Variants in LDB2 observed in about 807,000 individuals in gnomAD.
The protein encoded by LDB2 is LIM domain binding 2.
Under a neutral mutation model 44.3 loss-of-function variants are expected in LDB2, and 12 were observed. That is an observed-to-expected ratio of 0.27 (90% CI 0.17 to 0.44). LDB2 has a LOEUF of 0.44. LDB2 is among the 20% of genes least tolerant of loss of function. LDB2 has a pLI of 1.00. For synonymous variants in LDB2, 164 were observed against 174.8 expected (o/e 0.94, Z 0.49); for missense variants, 344 against 473.5 (o/e 0.73, Z 2.54).
chr4:16,791,322 C>A lies in LDB2; in HGVS notation c.133-32062G>T, dbSNP rs182259572. Among the ~76,000 whole-genome samples the A allele has an allele frequency of 3.3e-5, 5 of 152,030 alleles. No homozygotes were observed. The East Asian group carries it at 9.7e-4, about 29-fold the overall frequency. On this transcript the variant is annotated intron_variant, in intron 1 of 7. Coordinates refer to ENST00000304523, the MANE Select transcript of LDB2 (RefSeq NM_001290.5). ...CTGTAATCCCAGCACTTTGAGAGGC[C>A]AAGGTGGGTGGATCATGAGGTCAGG...
At chr4:16,612,499 A>G (rs1161283688) in intron 2 of LDB2, among the ~76,000 whole-genome samples, 1 of 152,208 alleles carries the variant, frequency 6.6e-6, no homozygotes, top group Non-Finnish European at 1.5e-5. Flanking sequence ...AAAAGAATCA[A>G]ATAGACACGG....
chr4:16,531,520 T>C (rs1406399307), intron 5 of LDB2, among the ~76,000 whole-genome samples: 1 of 152,192 alleles, frequency 6.6e-6, no homozygotes, highest in Non-Finnish European at 1.5e-5. Flanking sequence ...CCATTCACTT[T>C]CTCTATTTGT....
At chr4:16,675,252 A>C (rs1268793466) in intron 2 of LDB2, among the ~76,000 whole-genome samples, 2 of 152,182 alleles carry the variant, frequency 1.3e-5, no homozygotes, top group African/African-American at 4.8e-5. Context: ...CACCTGACTT[A>C]ATTCAGATTT....
chr4:16,552,264 C>T (rs751969288), intron 5 of LDB2, among the ~76,000 whole-genome samples: 20 of 152,074 alleles, frequency 1.3e-4, no homozygotes, highest in African/African-American at 4.3e-4. Flanking sequence ...TTTCAGATGG[C>T]GGTGACCCAG....
chr4:16,531,983 C>T (rs1730297235), intron 5 of LDB2, among the ~76,000 whole-genome samples: 1 of 151,352 alleles, frequency 6.6e-6, no homozygotes, highest in Non-Finnish European at 1.5e-5. Context: ...AAGGATAAAA[C>T]CCTCTAATAA....
At chr4:16,597,605 T>G (rs1487361641) in intron 2 of LDB2, among the ~76,000 whole-genome samples, 2 of 152,184 alleles carry the variant, frequency 1.3e-5, no homozygotes, top group Non-Finnish European at 2.9e-5. Context: ...AATTTGGGAT[T>G]CATACCGTTG....
At chr4:16,687,495 G>A (rs558133045) in intron 2 of LDB2, among the ~76,000 whole-genome samples, 142 of 152,214 alleles carry the variant, frequency 9.3e-4, no homozygotes, top group African/African-American at 2.1e-3. Flanking sequence ...AATATCTGTC[G>A]TTTAAGCCAC....
intron 5 of LDB2, among the ~76,000 whole-genome samples, chr4:16,575,547 C>T (rs983027774): frequency 1.3e-5 from 2 of 151,952 alleles, no homozygotes; most frequent in South Asian, 2.1e-4. Context: ...ATTGGCCATA[C>T]GTTAGGTCAC....
chr4:16,706,135 T>C (rs759437091), intron 2 of LDB2, among the ~76,000 whole-genome samples: 1 of 152,206 alleles, frequency 6.6e-6, no homozygotes, highest in Non-Finnish European at 1.5e-5. Context: ...AGCAGGCCTT[T>C]TGATGGCATT....
At chr4:16,630,157 TG>T (rs1334281016) in intron 2 of LDB2, among the ~76,000 whole-genome samples, 1 of 151,822 alleles carries the variant, frequency 6.6e-6, no homozygotes, top group Non-Finnish European at 1.5e-5. Context: ...AAGGTGGAAA[TG>T]AAGGAAAAAA....
intron 1 of LDB2, among the ~76,000 whole-genome samples, chr4:16,828,583 A>G (rs1244205360): frequency 6.6e-6 from 1 of 152,170 alleles, no homozygotes; most frequent in African/African-American, 2.4e-5. Context: ...ATCCCCTGTA[A>G]GTTTTTGTTG....
chr4:16,828,329 C>T (rs1394403975), intron 1 of LDB2, among the ~76,000 whole-genome samples: 3 of 152,186 alleles, frequency 2.0e-5, no homozygotes, highest in Non-Finnish European at 4.4e-5. Flanking sequence ...TCTGTTTTTT[C>T]TCTGGCCCCT....
intron 1 of LDB2, among the ~76,000 whole-genome samples, chr4:16,857,177 A>AGG (rs1469635425): frequency 1.3e-5 from 2 of 152,210 alleles, no homozygotes; most frequent in Non-Finnish European, 2.9e-5. Context: ...AGGTGGCAGC[A>AGG]GGGGCAGGTC....
At chr4:16,810,807 A>G (rs1779704497) in intron 1 of LDB2, among the ~76,000 whole-genome samples, 1 of 152,124 alleles carries the variant, frequency 6.6e-6, no homozygotes, top group Admixed American at 6.5e-5. Context: ...AAATTCCAAT[A>G]TTATTACCTT....
At chr4:16,557,915 C>A (rs1167070084) in intron 5 of LDB2, among the ~76,000 whole-genome samples, 2 of 152,202 alleles carry the variant, frequency 1.3e-5, no homozygotes. Flanking sequence ...GCACGAAACT[C>A]CGCTGTTCTG....
At chr4:16,789,313 C>A (rs1340685835) in intron 1 of LDB2, among the ~76,000 whole-genome samples, 3 of 152,126 alleles carry the variant, frequency 2.0e-5, no homozygotes, top group Non-Finnish European at 4.4e-5. Context: ...TTATCAAAGG[C>A]CTACGATGAG....
intron 5 of LDB2, among the ~76,000 whole-genome samples, chr4:16,563,424 ATCAGATTTTTTTTTTTTT>A (rs1560485192): frequency 7.3e-5 from 9 of 123,820 alleles, no homozygotes; most frequent in African/African-American, 2.6e-4. Flanking sequence ...CTCATCAGTC[ATCAGATTTTTTTTTTTTT>A]TTTTTTTTTT....
At chr4:16,552,937 GAA>G (rs1181711546) in intron 5 of LDB2, among the ~76,000 whole-genome samples, 2 of 152,160 alleles carry the variant, frequency 1.3e-5, no homozygotes, top group African/African-American at 4.8e-5. Flanking sequence ...CCAGAAGGTG[GAA>G]GTCAGTGACT....
intron 2 of LDB2, among the ~76,000 whole-genome samples, chr4:16,725,342 C>T (rs553380387): frequency 6.6e-6 from 1 of 151,756 alleles, no homozygotes; most frequent in African/African-American, 2.4e-5. Flanking sequence ...TAGACAATGG[C>T]CAGACCATAC....
Sources: allele counts gnomAD v4.1 joint callset (sites outside exome capture counted in the v4.1 genomes callset), GRCh38; gene constraint gnomAD v4.1.1; transcripts MANE v1.5; gene names NCBI Gene and HGNC (gene_info 2026-07-23, HGNC 2026-07-21).